ARHGAP39: variants seen among roughly 807,000 people sequenced by gnomAD.
The protein encoded by ARHGAP39 is Rho GTPase activating protein 39, also known as rho GTPase-activating protein 39.
Under a neutral mutation model 106.9 loss-of-function variants are expected in ARHGAP39, and 44 were observed. That is an observed-to-expected ratio of 0.41 (90% CI 0.32 to 0.53). The LOEUF (loss-of-function observed/expected upper bound fraction) is 0.53. ARHGAP39 is among the 20% of genes least tolerant of loss of function. The pLI is 0.21. For missense variants in ARHGAP39, 1,496 were observed against 1,577.3 expected, an observed-to-expected ratio of 0.95 and a Z score of 0.87; for synonymous variants, 768 against 693.2, an observed-to-expected ratio of 1.11 and a Z score of -1.69.
chr8:144,598,025 T>C (rs967548755), intron 2 of ARHGAP39, among the ~76,000 whole-genome samples: 6 of 151,944 alleles, frequency 3.9e-5, no homozygotes, highest in Non-Finnish European at 5.9e-5. Flanking sequence ...ACCCACCAGG[T>C]AGGAAGCCAC....
chr8:144,622,164 C>T (rs1334894788), intron 1 of ARHGAP39, among the ~76,000 whole-genome samples: 1 of 152,198 alleles, frequency 6.6e-6, no homozygotes, highest in Non-Finnish European at 1.5e-5. Context: ...CAGACCGCCT[C>T]TGCCTCGATG....
intron 1 of ARHGAP39, among the ~76,000 whole-genome samples, chr8:144,665,973 A>C (rs1821953410): frequency 6.6e-6 from 1 of 152,236 alleles, no homozygotes. Flanking sequence ...ACTAAACGTC[A>C]GCCTGTGAAA....
At chr8:144,581,402 A>T in intron 2 of ARHGAP39, 125 bp from the exon 3 acceptor site, 1 of 1,115,730 alleles carries the variant, frequency 9.0e-7, no homozygotes, top group Non-Finnish European at 1.3e-6. Flanking sequence ...AGGAAAGCAA[A>T]CCCAAGCCCA....
chr8:144,693,044 C>T, the ARHGAP39 span, among the ~76,000 whole-genome samples: 2 of 148,642 alleles, frequency 1.3e-5, no homozygotes. Flanking sequence ...CAGGCGTGAG[C>T]CACTGCGCCC....
intron 3 of ARHGAP39, among the ~76,000 whole-genome samples, chr8:144,568,440 T>C (rs1353461727): frequency 2.0e-5 from 3 of 149,740 alleles, no homozygotes; most frequent in Admixed American, 2.0e-4. Flanking sequence ...TTACATGAAG[T>C]CCTTGAAGCA....
chr8:144,600,849 C>CTG (rs529452782), intron 2 of ARHGAP39, among the ~76,000 whole-genome samples: 1 of 146,452 alleles, frequency 6.8e-6, no homozygotes, highest in Admixed American at 6.8e-5. Flanking sequence ...GCTCGTGTAC[C>CTG]TGTGTGTGTG....
Position 144,533,227 on chromosome 8 carries a change from C to T in ARHGAP39, c.2787G>A (p.Met929Ile), listed in dbSNP as rs1231059291. 1.9e-6 allele frequency: 3 copies of T among 1,613,122 alleles called. No homozygotes were observed. The South Asian group carries it at 3.3e-5, about 18-fold the overall frequency. The change falls in exon 9 of 12, where the codon ATG (methionine) becomes ATA (isoleucine). Residue 929 changes from methionine to isoleucine, a missense_variant. This residue lies in a region of ARHGAP39 where 470 missense variants were observed against 605.1 expected (regional missense o/e 0.78). Coordinates refer to ENST00000377307, the MANE Select transcript of ARHGAP39 (RefSeq NM_025251.3). ...GGCGCTCGGGGTAGCGCTCTCTCTG[C>T]ATGCCCATGACCTCCTGCAGTGCGC... Reference protein sequence around the residue: ...FGSALQEVMGMQRERYPERQL... With the variant: ...FGSALQEVMGIQRERYPERQL...
At position 144,679,143 on chromosome 8, in the gene ARHGAP39, T is replaced by C. The variant is rs1822322508; in HGVS notation, c.-82+6543A>G. ...GAGCCGCCTCAGGGGCTCTCGCGCATGGTGGCCGGCTCCAGCGTCCAGCAT... is the reference window on the plus strand; with the variant it reads ...GAGCCGCCTCAGGGGCTCTCGCGCACGGTGGCCGGCTCCAGCGTCCAGCAT... On this transcript the variant is annotated intron_variant, in intron 1 of 11. Coordinates refer to ENST00000377307, the MANE Select transcript of ARHGAP39 (RefSeq NM_025251.3). This position sits in a 1 kb window ranked among gnomAD's most constrained non-coding sequence, Gnocchi z 4.7. Among the ~76,000 whole-genome samples the C allele has an allele frequency of 1.3e-5, 2 of 152,136 alleles. No individual in the cohort carries two copies. The highest frequency in any genetic ancestry group is 4.1e-4 in the South Asian group (2 of 4,828).
At chr8:144,640,873 C>G (rs991910745) in intron 1 of ARHGAP39, among the ~76,000 whole-genome samples, 2 of 152,126 alleles carry the variant, frequency 1.3e-5, no homozygotes, top group East Asian at 3.8e-4. Flanking sequence ...AACGAAGCCA[C>G]GTTTTCCGAT....
intron 1 of ARHGAP39, among the ~76,000 whole-genome samples, chr8:144,649,257 A>G (rs960684536): frequency 2.0e-5 from 3 of 151,852 alleles, no homozygotes; most frequent in African/African-American, 7.3e-5. Flanking sequence ...CCTGGCTAAC[A>G]CAGTGAAACC....
rs1048575856 is a variant in ARHGAP39 at position 144,547,516 on chromosome 8, C to T, written c.1570G>A (p.Glu524Lys). 4 of 1,487,060 alleles carry T rather than the reference C, an allele frequency of 2.7e-6. No individual in the cohort carries two copies. The highest frequency in any genetic ancestry group is 1.3e-5 in the South Asian group (1 of 74,502). The allele number at this position is 1,487,060 out of a possible 1,614,324, so 92.1% of individuals were successfully genotyped here. Residue 524 changes from glutamate to lysine, a missense_variant, in exon 5 of 12, where the codon GAG becomes AAG. Glu to Lys is a moderately conservative substitution (Grantham distance 56). Coordinates refer to ENST00000377307, the MANE Select transcript of ARHGAP39 (RefSeq NM_025251.3). The surrounding 1 kb of genome is among the most constrained non-coding windows in gnomAD (Gnocchi z 5.2). ...GDLLVEQPLA[E>K]EQPPCGTSLA... is the part of the protein sequence containing the mutation. ...CTGGTCCCGCACGGGGGCTGTTCCT[C>T]GGCCAGGGGCTGCTCCACAAGCAGG... is the stretch of plus-strand genomic sequence containing the variant.
In ARHGAP39 at chr8:144,646,493, G is replaced by A. The variant is rs1446505237; in HGVS notation, c.-82+39193C>T. Among the ~76,000 whole-genome samples, 1 of 152,124 alleles carries A rather than the reference G, an allele frequency of 6.6e-6. No individual in the cohort carries two copies. Among genetic ancestry groups the A allele is most frequent in the East Asian group, 1.9e-4 (1 of 5,198 alleles). ...AAGTGTGGAGAAAATAGAAAGAAATGAGGAATAGCAGGGACACCAAAAGAC... is the reference window on the plus strand; with the variant it reads ...AAGTGTGGAGAAAATAGAAAGAAATAAGGAATAGCAGGGACACCAAAAGAC... On this transcript the variant is annotated intron_variant, in intron 1 of 11. Transcript: ENST00000377307. This position sits in a 1 kb window ranked among gnomAD's most constrained non-coding sequence, Gnocchi z 5.7.
At chr8:144,657,374 A>G (rs893069207) in intron 1 of ARHGAP39, among the ~76,000 whole-genome samples, 2 of 152,168 alleles carry the variant, frequency 1.3e-5, no homozygotes, top group African/African-American at 4.8e-5. Context: ...GCAGGAGGAT[A>G]GCTTGAGCCC....
intron 1 of ARHGAP39, among the ~76,000 whole-genome samples, chr8:144,659,060 A>C (rs1821763590): frequency 6.6e-6 from 1 of 152,108 alleles, no homozygotes. Context: ...GTCCAATCCT[A>C]TTCTGTTCAC....
rs761719118 is a variant in ARHGAP39, at chr8:144,530,908, G to C, written c.2981-37C>G. 4.4e-6 allele frequency: 7 copies of C among 1,584,702 alleles called. No homozygotes were observed. The East Asian group carries it at 1.6e-4, about 36-fold the overall frequency. On this transcript the variant is annotated intron_variant, in intron 10 of 11. Transcript: ENST00000377307. ...GCACGGGGCTCAGCGGCCCTGCTCG[G>C]CGGGCACCCCTGGGCCAAATGGGGT...
chr8:144,574,566 C>G (rs971025502), intron 3 of ARHGAP39, among the ~76,000 whole-genome samples: 1 of 152,070 alleles, frequency 6.6e-6, no homozygotes, highest in Non-Finnish European at 1.5e-5. Context: ...CCCAGCTACT[C>G]GGGAGGCTGA....
intron 2 of ARHGAP39, among the ~76,000 whole-genome samples, chr8:144,596,582 G>T (rs559631184): frequency 6.6e-6 from 1 of 152,226 alleles, no homozygotes; most frequent in Non-Finnish European, 1.5e-5. Context: ...CTGCATGGAG[G>T]GGGTGCTGCG....
intron 1 of ARHGAP39, among the ~76,000 whole-genome samples, chr8:144,685,103 C>A (rs1412710761): frequency 1.3e-5 from 2 of 152,020 alleles, no homozygotes; most frequent in Non-Finnish European, 2.9e-5. Context: ...CCCTCACACC[C>A]CCCTCGGGCA....
At position 144,579,817 on chromosome 8, in the gene ARHGAP39, G is replaced by A. The variant is rs563087232; in HGVS notation, c.512+1029C>T. On this transcript the variant is annotated intron_variant, in intron 3 of 11. Transcript: ENST00000377307. ...CCCCTGGCAACCTCAGCCAAGCACC[G>A]AAAATCTGGTACTGGGGGAGACCAA... 5.4e-3 allele frequency among the ~76,000 whole-genome samples: 822 copies of A among 152,200 alleles called. 5 individuals carry two copies. The highest frequency in any genetic ancestry group is 0.018 in the African/African-American group (758 of 41,536).
Sources: allele counts gnomAD v4.1 joint callset (sites outside exome capture counted in the v4.1 genomes callset), GRCh38; gene constraint gnomAD v4.1.1; regional missense constraint gnomAD v4.1.1; non-coding constraint Gnocchi (gnomAD v3.1); transcripts MANE v1.5; gene names NCBI Gene and HGNC (gene_info 2026-07-23, HGNC 2026-07-21).